Variants in RBM20 observed in about 807,000 individuals in gnomAD.
RBM20 encodes the protein RNA-binding protein 20.
A neutral mutation model predicts 110.1 loss-of-function variants in RBM20; 51 were observed. The observed-to-expected ratio is 0.46, with a 90% CI of 0.37 to 0.59. The LOEUF (loss-of-function observed/expected upper bound fraction) is 0.59, where lower values mean the gene tolerates loss of function less well. Ranked by LOEUF, RBM20 falls within the 20% of genes least tolerant of loss-of-function variation. The pLI is 0.00. For missense variants in RBM20, 1,512 were observed against 1,574.9 expected (o/e 0.96, Z 0.68); for synonymous variants, 589 against 618.2 (o/e 0.95, Z 0.70).
intron 1 of RBM20, among the ~76,000 whole-genome samples, chr10:110,658,078 T>A (rs1300974810): frequency 6.6e-6 from 1 of 152,182 alleles, no homozygotes; most frequent in South Asian, 2.1e-4. Context: ...TGGCAAGTAA[T>A]TATGACCATG....
intron 1 of RBM20, among the ~76,000 whole-genome samples, chr10:110,736,592 G>T (rs1455537792): frequency 6.6e-6 from 1 of 152,190 alleles, no homozygotes; most frequent in Non-Finnish European, 1.5e-5. Context: ...CATGGTGGTT[G>T]CAGGTGTCCG....
rs542950220 is a variant in RBM20, at chr10:110,704,306, C to T, written c.191+59661C>T. ...TAACCATTCACCTATTGAAGGATAT[C>T]TGGCATCTTTCCAGTTTTTGGCTAT... On this transcript the variant is annotated intron_variant, in intron 1 of 13. Transcript: ENST00000369519. 3.9e-5 allele frequency among the ~76,000 whole-genome samples: 6 copies of T among 152,248 alleles called. No homozygotes were observed. The East Asian group carries it at 7.7e-4, about 20-fold the overall frequency.
At chr10:110,671,190 G>A (rs1862252969) in intron 1 of RBM20, among the ~76,000 whole-genome samples, 2 of 152,186 alleles carry the variant, frequency 1.3e-5, no homozygotes, top group Non-Finnish European at 2.9e-5. Flanking sequence ...TCCTCACTGA[G>A]CTGACTTACC....
At chr10:110,771,498 C>T (rs368010767) in intron 1 of RBM20, among the ~76,000 whole-genome samples, 4 of 152,292 alleles carry the variant, frequency 2.6e-5, no homozygotes, top group African/African-American at 9.6e-5. Flanking sequence ...TGGTGTGGGA[C>T]ACATATAGTT....
At chr10:110,819,899 A>G (rs1465135354) in intron 9 of RBM20, among the ~76,000 whole-genome samples, 173 bp from the exon 10 acceptor site, 1 of 152,216 alleles carries the variant, frequency 6.6e-6, no homozygotes, top group Non-Finnish European at 1.5e-5. Flanking sequence ...TTTCTAATCT[A>G]TAAAACGAAG....
rs142260211 is a variant in RBM20 at position 110,787,727 on chromosome 10, C to T, written c.1527+2838C>T. 1.6e-3 allele frequency among the ~76,000 whole-genome samples: 250 copies of T among 152,310 alleles called. 2 individuals carry two copies. In the Middle Eastern group the frequency reaches 0.017, roughly 10 times the overall value. On this transcript the variant is annotated intron_variant, in intron 5 of 13. Transcript: ENST00000369519. ...GAACACCTAGAGATGGGGAGTTTAT[C>T]TGGCTTGAGCCTGGTGAGAAGCAAC... is the stretch of plus-strand genomic sequence containing the variant.
chr10:110,755,997 C>T (rs1843915831), intron 1 of RBM20, among the ~76,000 whole-genome samples: 1 of 152,216 alleles, frequency 6.6e-6, no homozygotes, highest in Admixed American at 6.5e-5. Context: ...AGCCTCTTCT[C>T]TCATGCATGC....
At position 110,664,753 on chromosome 10, in the gene RBM20, A is replaced by T. The variant is rs879651228; in HGVS notation, c.191+20108A>T. ...CAGAGTGAGACTCTGTCTCAAAAAA[A>T]TTTTTTAAAAAAGAAAATAAATAAA... On this transcript the variant is annotated intron_variant, in intron 1 of 13. Transcript: ENST00000369519. Among the ~76,000 whole-genome samples the T allele has an allele frequency of 5.1e-4, 77 of 152,222 alleles. 1 individual carries two copies. The highest frequency in any genetic ancestry group is 1.3e-3 in the Admixed American group (20 of 15,286).
Position 110,739,803 on chromosome 10 carries a change from A to G in RBM20, c.192-40998A>G, listed in dbSNP as rs374945037. 1.8e-4 allele frequency among the ~76,000 whole-genome samples: 27 copies of G among 152,266 alleles called. No individual in the cohort carries two copies. The highest frequency in any genetic ancestry group is 6.0e-4 in the African/African-American group (25 of 41,560). Reference sequence around the variant, plus strand: ...AGCAGTTCAAATCCCTGGCCTGAGTATTGGGTGATTGTTGCGGTCATGAAG... The same window carrying G: ...AGCAGTTCAAATCCCTGGCCTGAGTGTTGGGTGATTGTTGCGGTCATGAAG... On this transcript the variant is annotated intron_variant, in intron 1 of 13. Transcript: ENST00000369519. The surrounding 1 kb of genome is among the most constrained non-coding windows in gnomAD (Gnocchi z 4.1).
chr10:110,748,605 G>A (rs1286442663), intron 1 of RBM20, among the ~76,000 whole-genome samples: 1 of 152,142 alleles, frequency 6.6e-6, no homozygotes, highest in Non-Finnish European at 1.5e-5. Flanking sequence ...AAATTACAGT[G>A]AAAAACTGGG....
intron 8 of RBM20, 107 bp from the exon 9 acceptor site, chr10:110,812,171 C>G (rs1844775597): frequency 9.9e-7 from 1 of 1,005,236 alleles, no homozygotes; most frequent in Non-Finnish European, 1.4e-6. Context: ...AGAGTGTACA[C>G]AGTTACATGC....
At chr10:110,828,218 A>G (rs1845006559) in intron 12 of RBM20, among the ~76,000 whole-genome samples, 1 of 152,182 alleles carries the variant, frequency 6.6e-6, no homozygotes, top group Admixed American at 6.5e-5. Flanking sequence ...TAGAGGCTGA[A>G]AAATGGAGGA....
chr10:110,704,015 G>A (rs1461864591), intron 1 of RBM20, among the ~76,000 whole-genome samples: 2 of 152,218 alleles, frequency 1.3e-5, no homozygotes, highest in African/African-American at 4.8e-5. Context: ...AGGAGGCTGA[G>A]GCAGGAGAAT....
chr10:110,644,047 C>T (rs1590590375), upstream of RBM20, among the ~76,000 whole-genome samples: 6 of 152,310 alleles, frequency 3.9e-5, 1 homozygote, highest in Admixed American at 3.9e-4. This position sits in a 1 kb window ranked among gnomAD's most constrained non-coding sequence, Gnocchi z 4.3. Flanking sequence ...GTGTCGCCTT[C>T]CTCACGCGGT....
intron 1 of RBM20, among the ~76,000 whole-genome samples, chr10:110,779,672 T>C (rs1209393768): frequency 2.6e-5 from 4 of 152,180 alleles, no homozygotes; most frequent in African/African-American, 9.7e-5. Context: ...CCCCAGGTAG[T>C]GTCAGAACTG....
At chr10:110,833,732 G>A (rs1845087935) in intron 13 of RBM20, among the ~76,000 whole-genome samples, 1 of 152,226 alleles carries the variant, frequency 6.6e-6, no homozygotes. Flanking sequence ...CAGCAGGCCA[G>A]AGCCATTCTT....
chr10:110,759,693 A>G (rs545170774), intron 1 of RBM20, among the ~76,000 whole-genome samples: 2 of 152,300 alleles, frequency 1.3e-5, no homozygotes, highest in African/African-American at 4.8e-5. Context: ...CCAGGCGAAA[A>G]CAGAGATGAG....
Position 110,799,851 on chromosome 10 carries a change from C to A in RBM20, c.1733C>A (p.Ser578Tyr). Reference protein sequence around the residue: ...QAMVQYYQEKSAVINGEKLLI... With the variant: ...QAMVQYYQEKYAVINGEKLLI... ...ATGGTCCAGTATTATCAAGAAAAAT[C>A]TGCTGTGATCAATGGTGAGAAGTTG... The change falls in exon 7 of 14, where the codon TCT becomes TAT. Residue 578 changes from serine (S) to tyrosine (Y), a missense_variant. Ser to Tyr is a moderately radical substitution (Grantham distance 144, BLOSUM62 -2). Coordinates refer to ENST00000369519, the MANE Select transcript of RBM20 (RefSeq NM_001134363.3). The A allele has an allele frequency of 6.4e-7, 1 of 1,552,006 alleles. No individual in the cohort carries two copies. The highest frequency in any genetic ancestry group is 1.2e-5 in the South Asian group (1 of 84,062).
chr10:110,649,026 C>T (rs969973359), intron 1 of RBM20, among the ~76,000 whole-genome samples: 28 of 152,170 alleles, frequency 1.8e-4, no homozygotes, highest in Middle Eastern at 3.4e-3. Context: ...TTTTATTTTT[C>T]TATCCATGTA....
Sources: gnomAD v4.1 joint callset for allele counts (sites outside exome capture counted in the v4.1 genomes callset) on GRCh38, gnomAD v4.1.1 for gene constraint, Gnocchi (gnomAD v3.1) non-coding constraint, MANE v1.5 for transcripts, NCBI Gene and HGNC (gene_info 2026-07-23, HGNC 2026-07-21) for gene names.